Variants in SIDT1 observed in about 807,000 individuals in gnomAD.
SIDT1 encodes the protein SID1 transmembrane family, member 1.
A neutral mutation model predicts 107.5 loss-of-function variants in SIDT1; 101 were observed. The ratio of observed to expected loss-of-function variants is 0.94; its 90% CI spans 0.80 to 1.11. The LOEUF (loss-of-function observed/expected upper bound fraction) is 1.11, where lower values mean the gene tolerates loss of function less well. SIDT1 is among the 50% of genes least tolerant of loss of function. SIDT1 has a pLI of 0.00. For synonymous variants in SIDT1, 395 were observed against 398.2 expected (o/e 0.99, Z 0.10); for missense variants, 1,076 against 1,058.2 (o/e 1.02, Z -0.23).
intron 1 of SIDT1, among the ~76,000 whole-genome samples, chr3:113,546,375 T>G (rs978198867): frequency 1.2e-4 from 18 of 152,322 alleles, no homozygotes; most frequent in Middle Eastern, 3.4e-3. Context: ...AAACTACTTT[T>G]TTTTTCTTCC....
chr3:113,614,652 G>A (rs1945980539), intron 19 of SIDT1, among the ~76,000 whole-genome samples: 1 of 152,182 alleles, frequency 6.6e-6, no homozygotes, highest in African/African-American at 2.4e-5. Flanking sequence ...GTGGACACAG[G>A]AAAGGCAGCA....
At chr3:113,581,733 C>G in intron 6 of SIDT1, 1 of 326,892 alleles carries the variant, frequency 3.1e-6, no homozygotes, top group South Asian at 3.2e-5. Flanking sequence ...ATTAGCTGGG[C>G]TTGGTGGTGC....
chr3:113,623,192 T>TAAAAA (rs61454117), intron 21 of SIDT1, among the ~76,000 whole-genome samples: 4 of 53,852 alleles, frequency 7.4e-5, no homozygotes, highest in African/African-American at 2.4e-4. Context: ...CCCCAACTCT[T>TAAAAA]AAAAAAAAAA....
intron 10 of SIDT1, among the ~76,000 whole-genome samples, chr3:113,597,698 G>A (rs189939899): frequency 1.3e-4 from 20 of 152,238 alleles, no homozygotes; most frequent in Admixed American, 2.6e-4. Flanking sequence ...AAAAGCAAGC[G>A]TGCAAGCATA....
At chr3:113,574,118 A>C (rs1027421820) in intron 3 of SIDT1, among the ~76,000 whole-genome samples, 1 of 152,228 alleles carries the variant, frequency 6.6e-6, no homozygotes, top group African/African-American at 2.4e-5. Context: ...AAAATGGTTG[A>C]GACTAGAATA....
chr3:113,614,967 A>G, intron 19 of SIDT1: 2 of 1,323,874 alleles, frequency 1.5e-6, no homozygotes, highest in Non-Finnish European at 1.0e-6. Flanking sequence ...ATCCATCTTG[A>G]GAAAAAATAA....
intron 10 of SIDT1, among the ~76,000 whole-genome samples, chr3:113,598,543 A>G (rs575513045): frequency 1.3e-5 from 2 of 152,342 alleles, no homozygotes; most frequent in Admixed American, 1.3e-4. Flanking sequence ...ACATCTTAAT[A>G]TATACAATTA....
intron 13 of SIDT1, among the ~76,000 whole-genome samples, chr3:113,604,479 GAGAT>G (rs777954906): frequency 8.5e-5 from 13 of 152,192 alleles, no homozygotes; most frequent in Non-Finnish European, 1.5e-4. Flanking sequence ...GCAGCCTAAA[GAGAT>G]AGGCCCTCAT....
At chr3:113,538,711 T>C (rs1938469931) in intron 1 of SIDT1, among the ~76,000 whole-genome samples, 1 of 152,184 alleles carries the variant, frequency 6.6e-6, no homozygotes, top group African/African-American at 2.4e-5. Flanking sequence ...TACTGTAAGA[T>C]TTAAGAGAGA....
intron 24 of SIDT1, 97 bp downstream of exon 24, chr3:113,626,312 C>A: frequency 1.3e-6 from 1 of 750,022 alleles, no homozygotes; most frequent in Non-Finnish European, 2.2e-6. Flanking sequence ...ATATTCCTCT[C>A]TAATTTTACT....
At chr3:113,602,662 T>C (rs147611811) in intron 11 of SIDT1, 142 of 179,350 alleles carry the variant, frequency 7.9e-4, no homozygotes, top group African/African-American at 3.2e-3. Flanking sequence ...GCGATGTGCA[T>C]GTGTATTTGT....
Position 113,558,427 on chromosome 3 carries a change from A to G in SIDT1, c.223-7993A>G, listed in dbSNP as rs192254453. Among the ~76,000 whole-genome samples the G allele has an allele frequency of 9.6e-4, 146 of 152,236 alleles. 1 individual carries two copies. Among genetic ancestry groups the G allele is most frequent in the African/African-American group, 3.4e-3 (142 of 41,534 alleles). The stretch of plus-strand genomic sequence containing the variant: ...AGGCAGTCCTTCATAGGTTCTTTTG[A>G]TTTCTGCACATCTTACAGGAAGGCA... On this transcript the variant is annotated intron_variant, in intron 1 of 24. Transcript: ENST00000264852.
At chr3:113,547,005 G>A (rs1939667723) in intron 1 of SIDT1, among the ~76,000 whole-genome samples, 1 of 152,006 alleles carries the variant, frequency 6.6e-6, no homozygotes, top group Non-Finnish European at 1.5e-5. Context: ...TATTTGAAAA[G>A]GAAAATATCA....
At chr3:113,558,128 A>G (rs901754701) in intron 1 of SIDT1, among the ~76,000 whole-genome samples, 1 of 152,190 alleles carries the variant, frequency 6.6e-6, no homozygotes, top group Non-Finnish European at 1.5e-5. Context: ...AGCAATGAGA[A>G]TATGTTTTGG....
At chr3:113,583,685 C>T (rs1222048592) in intron 7 of SIDT1, among the ~76,000 whole-genome samples, 189 bp downstream of exon 7, 1 of 152,148 alleles carries the variant, frequency 6.6e-6, no homozygotes, top group Non-Finnish European at 1.5e-5. Context: ...AAGGTATTAT[C>T]GATACTACAA....
At chr3:113,595,578 C>CA (rs200311251) in intron 10 of SIDT1, among the ~76,000 whole-genome samples, 4,139 of 130,000 alleles carry the variant, frequency 0.032, 154 homozygotes, top group East Asian at 0.19. Context: ...GACCGTGTCT[C>CA]AAAAAAAAAA....
At chr3:113,593,981 C>T (rs1195930451) in intron 10 of SIDT1, among the ~76,000 whole-genome samples, 1 of 152,140 alleles carries the variant, frequency 6.6e-6, no homozygotes, top group African/African-American at 2.4e-5. Flanking sequence ...AAAACCTAAA[C>T]TCAGTGCTCA....
At chr3:113,635,477 C>G in the SIDT1 span, among the ~76,000 whole-genome samples, 1 of 152,242 alleles carries the variant, frequency 6.6e-6, no homozygotes, top group Non-Finnish European at 1.5e-5. Flanking sequence ...GTGGTCAAAC[C>G]ATCTTTGTTC....
At chr3:113,620,685 G>A (rs1946407615) in intron 21 of SIDT1, among the ~76,000 whole-genome samples, 2 of 152,098 alleles carry the variant, frequency 1.3e-5, no homozygotes, top group Admixed American at 1.3e-4. Context: ...ACCATTTAAC[G>A]ATTCCTCCTT....
Sources: allele counts gnomAD v4.1 joint callset (sites outside exome capture counted in the v4.1 genomes callset), GRCh38; gene constraint gnomAD v4.1.1; transcripts MANE v1.5; gene names NCBI Gene and HGNC (gene_info 2026-07-23, HGNC 2026-07-21).